Variants in GALNT2 observed in about 807,000 individuals in gnomAD.
The protein encoded by GALNT2 is UDP-GalNAc:polypeptide N-acetylgalactosaminyltransferase 2.
Under a neutral mutation model 81.4 loss-of-function variants are expected in GALNT2, and 31 were observed. The ratio of observed to expected loss-of-function variants is 0.38; its 90% confidence interval spans 0.29 to 0.51. The LOEUF (loss-of-function observed/expected upper bound fraction) is 0.51. Among genes scored for constraint, GALNT2 ranks in the 20% least tolerant of loss-of-function variants. The pLI is 0.87. For missense variants in GALNT2, 629 were observed against 765.7 expected (o/e 0.82, Z 2.11); for synonymous variants, 303 against 287.4 (o/e 1.05, Z -0.55).
Position 230,070,894 on chromosome 1 carries a change from C to T in GALNT2, c.126+3488C>T, listed in dbSNP as rs1300795441. 6.6e-6 allele frequency among the ~76,000 whole-genome samples: 1 copy of T among 152,156 alleles called. No homozygotes were observed. On this transcript the variant is annotated intron_variant, in intron 1 of 15. Transcript: ENST00000366672. The surrounding 1 kb of genome is among the most constrained non-coding windows in gnomAD (Gnocchi z 4.7). ...AGTAGTAGACATTAAAGGGAAATGG[C>T]ACAAATCCACTTATTGGCATTGAGT...
At chr1:230,197,047 T>C (rs1663716991) in intron 2 of GALNT2, among the ~76,000 whole-genome samples, 2 of 152,062 alleles carry the variant, frequency 1.3e-5, no homozygotes, top group Admixed American at 1.3e-4. Flanking sequence ...GTGGGCTGTG[T>C]CTGGACTATT....
chr1:230,226,106 C>A (rs528620193), intron 3 of GALNT2, among the ~76,000 whole-genome samples: 3 of 152,378 alleles, frequency 2.0e-5, no homozygotes, highest in African/African-American at 7.2e-5. Context: ...CTGCGGTTGG[C>A]TCTAGCCTGG....
intron 1 of GALNT2, among the ~76,000 whole-genome samples, chr1:230,111,143 CTG>C (rs1331773047): frequency 6.6e-6 from 1 of 152,242 alleles, no homozygotes; most frequent in African/African-American, 2.4e-5. Context: ...ACATGCGTAT[CTG>C]TGCATGCACA....
intron 1 of GALNT2, among the ~76,000 whole-genome samples, chr1:230,117,047 C>G (rs1169686404): frequency 6.6e-6 from 1 of 152,234 alleles, no homozygotes; most frequent in Non-Finnish European, 1.5e-5. Context: ...CATCAGGGAT[C>G]TCAGTTAGAT....
At chr1:230,274,219 A>G (rs917466960) in intron 14 of GALNT2, among the ~76,000 whole-genome samples, 4 of 152,370 alleles carry the variant, frequency 2.6e-5, no homozygotes, top group Non-Finnish European at 5.9e-5. Flanking sequence ...ACTTCTGCAC[A>G]TCACTCAGCC....
intron 1 of GALNT2, among the ~76,000 whole-genome samples, chr1:230,130,787 A>G (rs1444020230): frequency 1.3e-5 from 2 of 152,208 alleles, no homozygotes; most frequent in Non-Finnish European, 2.9e-5. Flanking sequence ...GACCATGGCT[A>G]AACCACTTTA....
At chr1:230,084,791 TCTGA>T (rs1249118515) in intron 1 of GALNT2, among the ~76,000 whole-genome samples, 3 of 152,214 alleles carry the variant, frequency 2.0e-5, no homozygotes, top group Admixed American at 6.5e-5. Context: ...GTGCTGAGTC[TCTGA>T]CTGGTAACAT....
chr1:230,064,154 C>G (rs957563029), upstream of GALNT2, among the ~76,000 whole-genome samples: 1 of 152,102 alleles, frequency 6.6e-6, no homozygotes, highest in African/African-American at 2.4e-5. Context: ...CTTTTAACAT[C>G]TGGTCTGTCT....
rs181839589 is a variant in GALNT2, at chr1:230,271,205, A to C, written c.1441-3240A>C. Among the ~76,000 whole-genome samples the C allele has an allele frequency of 7.2e-5, 11 of 152,340 alleles. No homozygotes were observed. Among genetic ancestry groups the C allele is most frequent in the African/African-American group, 2.4e-4 (10 of 41,582 alleles). The stretch of plus-strand genomic sequence containing the variant: ...CAGCCCCTGTGAGTGCAGGGACGGA[A>C]CAATGTGCTTCTTCCTGGCCCTCTC... On this transcript the variant is annotated intron_variant, in intron 14 of 15. Coordinates refer to ENST00000366672, the MANE Select transcript of GALNT2 (RefSeq NM_004481.5). This position sits in a 1 kb window ranked among gnomAD's most constrained non-coding sequence, Gnocchi z 4.2.
At chr1:230,058,537 C>T (rs745701665) in intron 1 of GALNT2, among the ~76,000 whole-genome samples, 5 of 152,156 alleles carry the variant, frequency 3.3e-5, no homozygotes, top group African/African-American at 4.8e-5. Context: ...GCTGAGCTGC[C>T]TTGGGCAAGG....
At chr1:230,196,920 G>A (rs985396868) in intron 2 of GALNT2, among the ~76,000 whole-genome samples, 2 of 152,084 alleles carry the variant, frequency 1.3e-5, no homozygotes, top group Non-Finnish European at 2.9e-5. Context: ...ACCCAGTACC[G>A]CCAAGGAATG....
At chr1:230,154,860 G>A (rs1017760676) in intron 1 of GALNT2, among the ~76,000 whole-genome samples, 1 of 152,154 alleles carries the variant, frequency 6.6e-6, no homozygotes, top group African/African-American at 2.4e-5. Context: ...GGCAGCCCTG[G>A]CATACTTACT....
chr1:230,178,849 A>G (rs969632238), intron 2 of GALNT2, among the ~76,000 whole-genome samples: 20 of 152,126 alleles, frequency 1.3e-4, no homozygotes, highest in African/African-American at 4.6e-4. Context: ...CAAATGCATA[A>G]TGGCGTTTAG....
chr1:230,160,250 G>A (rs2102845941), intron 1 of GALNT2, among the ~76,000 whole-genome samples: 1 of 152,284 alleles, frequency 6.6e-6, no homozygotes, highest in East Asian at 1.9e-4. Flanking sequence ...GATGGGCCAG[G>A]CATTGTACCA....
chr1:230,084,788 GTC>G (rs1369598067), intron 1 of GALNT2, among the ~76,000 whole-genome samples: 3 of 152,200 alleles, frequency 2.0e-5, no homozygotes. Context: ...TGCGTGCTGA[GTC>G]TCTGACTGGT....
chr1:230,100,787 G>A (rs1258482044), intron 1 of GALNT2, among the ~76,000 whole-genome samples: 3 of 152,176 alleles, frequency 2.0e-5, no homozygotes, highest in Non-Finnish European at 2.9e-5. Flanking sequence ...GTCGATGTGT[G>A]TATATGTACA....
chr1:230,261,121 G>A (rs1304989732), intron 11 of GALNT2, among the ~76,000 whole-genome samples: 1 of 142,778 alleles, frequency 7.0e-6, no homozygotes, highest in Non-Finnish European at 1.5e-5. Flanking sequence ...CAAAGCAGAA[G>A]TGAGCATATT....
At chr1:230,069,146 C>T (rs947892930) in intron 1 of GALNT2, among the ~76,000 whole-genome samples, 2 of 152,206 alleles carry the variant, frequency 1.3e-5, no homozygotes, top group East Asian at 1.9e-4. Flanking sequence ...CAAGCGTGCT[C>T]GTTCGCCTCC....
chr1:230,067,262 C>A lies in GALNT2; in HGVS notation c.-19C>A, dbSNP rs1254603728. On this transcript the variant is annotated 5_prime_UTR_variant, in exon 1 of 16. Coordinates refer to ENST00000366672, the MANE Select transcript of GALNT2 (RefSeq NM_004481.5). ...CACTCGCGAGCAGCGGCGGCCCCGCCGGCGGCCGAGTTGGGAGAATGCGGC... is the reference window on the plus strand; with the variant it reads ...CACTCGCGAGCAGCGGCGGCCCCGCAGGCGGCCGAGTTGGGAGAATGCGGC... 1.1e-5 allele frequency: 14 copies of A among 1,292,212 alleles called. No individual in the cohort carries two copies. Among genetic ancestry groups the A allele is most frequent in the Non-Finnish European group, 1.4e-5 (14 of 1,011,476 alleles). 80.0% of individuals were successfully genotyped at this position (1,292,212 alleles called of 1,614,324 possible). A position where few individuals can be genotyped will look rare whatever the true frequency, so the allele number is the denominator to read the frequency against.
Sources: allele counts gnomAD v4.1 joint callset (sites outside exome capture counted in the v4.1 genomes callset), GRCh38; gene constraint gnomAD v4.1.1; non-coding constraint Gnocchi (gnomAD v3.1); transcripts MANE v1.5; gene names NCBI Gene and HGNC (gene_info 2026-07-23, HGNC 2026-07-21).